Variants in TTC1 observed in about 807,000 individuals in gnomAD.
The protein encoded by TTC1 is tetratricopeptide repeat domain 1.
TTC1 carries 31 observed loss-of-function variants against 37.6 expected under a neutral mutation model. The observed-to-expected ratio is 0.82, with a 90% CI of 0.62 to 1.11. The LOEUF is 1.11. Ranked by LOEUF, TTC1 falls within the 50% of genes most tolerant of loss-of-function variation. The pLI, the probability that TTC1 is intolerant of heterozygous loss-of-function variation, is 0.00. For synonymous variants in TTC1, 127 were observed against 122.4 expected (o/e 1.04, Z -0.25); for missense variants, 351 against 339.0 (o/e 1.04, Z -0.28).
At position 160,023,814 on chromosome 5, in the gene TTC1, T is replaced by C. The variant is rs897068938; in HGVS notation, c.331-11326T>C. ...TGCCTTGCCCTCTTGCCTGTATCAT[T>C]CTCAGAGTCTGAGCTGTCAGAGTCA... On this transcript the variant is annotated intron_variant, in intron 2 of 7. Transcript: ENST00000231238. 5 of 1,613,584 alleles carry C rather than the reference T, an allele frequency of 3.1e-6. No individual in the cohort carries two copies. In the African/African-American group the frequency reaches 6.7e-5, roughly 22 times the overall value.
chr5:160,022,249 C>T (rs907447568), intron 2 of TTC1, among the ~76,000 whole-genome samples: 5 of 151,972 alleles, frequency 3.3e-5, no homozygotes, highest in African/African-American at 1.2e-4. Context: ...TATTCACTGA[C>T]CTAAAGTAAA....
intron 4 of TTC1, among the ~76,000 whole-genome samples, chr5:160,040,622 A>C (rs1757071423): frequency 6.6e-6 from 1 of 152,120 alleles, no homozygotes. Context: ...TCTGTTGCCC[A>C]GGCTGGAGTG....
At chr5:160,020,422 A>G (rs369755200) in intron 2 of TTC1, among the ~76,000 whole-genome samples, 4 of 152,166 alleles carry the variant, frequency 2.6e-5, no homozygotes, top group South Asian at 2.1e-4. Context: ...GCCTGATGCT[A>G]AGTTTAAACC....
chr5:160,042,832 G>A (rs1222092474), intron 4 of TTC1, among the ~76,000 whole-genome samples: 1 of 152,142 alleles, frequency 6.6e-6, no homozygotes, highest in African/African-American at 2.4e-5. Flanking sequence ...AAGTTTCTCA[G>A]TGTCAGCATT....
chr5:160,048,525 A>G (rs1223294384), intron 5 of TTC1, among the ~76,000 whole-genome samples: 1 of 152,182 alleles, frequency 6.6e-6, no homozygotes, highest in Admixed American at 6.5e-5. Context: ...TTGAACCAAA[A>G]CATAGCAAAG....
chr5:160,042,727 T>G (rs1260018410), intron 4 of TTC1, among the ~76,000 whole-genome samples: 2 of 152,236 alleles, frequency 1.3e-5, no homozygotes, highest in Admixed American at 1.3e-4. Context: ...CTTTCTGAAA[T>G]ATACCACTTT....
intron 7 of TTC1, among the ~76,000 whole-genome samples, chr5:160,056,684 C>T (rs1215448334): frequency 6.6e-6 from 1 of 152,174 alleles, no homozygotes; most frequent in Admixed American, 6.5e-5. Flanking sequence ...GATGGCACCA[C>T]TTCATGCCAG....
intron 2 of TTC1, among the ~76,000 whole-genome samples, chr5:160,017,465 A>G (rs1415105844): frequency 6.6e-6 from 1 of 152,166 alleles, no homozygotes; most frequent in Admixed American, 6.5e-5. Flanking sequence ...TGGAACCCTT[A>G]TGACTTAATC....
intron 7 of TTC1, among the ~76,000 whole-genome samples, chr5:160,059,776 A>G (rs754369550): frequency 3.9e-5 from 6 of 152,212 alleles, no homozygotes; most frequent in Non-Finnish European, 7.3e-5. Flanking sequence ...AACCTCACAG[A>G]TCATTGATTA....
rs748728919 is a variant in TTC1, at chr5:160,049,670, C to G, written c.690+8C>G. 1.3e-6 allele frequency: 2 copies of G among 1,555,426 alleles called. No homozygotes were observed. Among genetic ancestry groups the G allele is most frequent in the Admixed American group, 4.3e-5 (2 of 47,036 alleles). ...GCAAGAGAAGCTTGTATGGTAAAAC[C>G]TAAAATTTTAAAAATATTTTTCCTT... is the stretch of plus-strand genomic sequence containing the variant. On this transcript the variant is annotated splice_region_variant and intron_variant, in intron 6 of 7. Coordinates refer to ENST00000231238, the MANE Select transcript of TTC1 (RefSeq NM_003314.3).
Position 160,023,353 on chromosome 5 carries a change from G to A in TTC1, c.331-11787G>A, listed in dbSNP as rs961174603. ...GTTGCCCAGGCTGGAGTGCAGTGAC[G>A]CAATCATGGCTCATTGTAACCTCTA... is the stretch of plus-strand genomic sequence containing the variant. On this transcript the variant is annotated intron_variant, in intron 2 of 7. Coordinates refer to ENST00000231238, the MANE Select transcript of TTC1 (RefSeq NM_003314.3). Among the ~76,000 whole-genome samples the A allele has an allele frequency of 8.0e-5, 12 of 149,386 alleles. No homozygotes were observed. The East Asian group carries it at 2.2e-3, about 27-fold the overall frequency.
intron 4 of TTC1, among the ~76,000 whole-genome samples, chr5:160,039,484 C>A (rs1757051550): frequency 6.6e-6 from 1 of 150,694 alleles, no homozygotes; most frequent in African/African-American, 2.4e-5. Flanking sequence ...TTTTCCCACA[C>A]ACTCCACTTT....
At position 160,049,511 on chromosome 5, in the gene TTC1, C is replaced by A; in HGVS notation, c.542-3C>A. 1.3e-6 allele frequency: 2 copies of A among 1,560,476 alleles called. No homozygotes were observed. Among genetic ancestry groups the A allele is most frequent in the East Asian group, 2.3e-5 (1 of 43,606 alleles). ...ATAAAAATTATTTCTTCTCTTTTTA[C>A]AGCAATTCAATTAAACCCCAGCTAT... On this transcript the variant is annotated splice_region_variant and splice_polypyrimidine_tract_variant and intron_variant, in intron 5 of 7. Coordinates refer to ENST00000231238, the MANE Select transcript of TTC1 (RefSeq NM_003314.3).
At chr5:160,026,819 A>G (rs866573999) in intron 2 of TTC1, among the ~76,000 whole-genome samples, 57 of 152,142 alleles carry the variant, frequency 3.7e-4, no homozygotes, top group African/African-American at 1.2e-3. Context: ...GATTTACATT[A>G]GTCATTTGTC....
At chr5:160,028,021 C>T (rs949921059) in intron 2 of TTC1, among the ~76,000 whole-genome samples, 9 of 152,174 alleles carry the variant, frequency 5.9e-5, no homozygotes, top group Non-Finnish European at 8.8e-5. Flanking sequence ...CAGCCTTGGC[C>T]GGGCGCGGTG....
intron 2 of TTC1, among the ~76,000 whole-genome samples, chr5:160,029,595 C>T (rs965138328): frequency 2.0e-5 from 3 of 151,890 alleles, no homozygotes; most frequent in Admixed American, 6.6e-5. Context: ...CTGCAGTGAG[C>T]CATGATCTCT....
chr5:160,016,775 G>T (rs1050770989), intron 2 of TTC1, among the ~76,000 whole-genome samples: 1 of 152,156 alleles, frequency 6.6e-6, no homozygotes, highest in Non-Finnish European at 1.5e-5. Context: ...GGAAAGAAGT[G>T]CTATTCCGTA....
At chr5:160,032,358 A>C (rs1319793588) in intron 2 of TTC1, among the ~76,000 whole-genome samples, 1 of 152,202 alleles carries the variant, frequency 6.6e-6, no homozygotes, top group African/African-American at 2.4e-5. Context: ...ACCCCTCTCT[A>C]AAGAATTTGT....
intron 7 of TTC1, among the ~76,000 whole-genome samples, 199 bp from the exon 8 acceptor site, chr5:160,064,733 T>C (rs1239153444): frequency 2.6e-5 from 4 of 152,188 alleles, no homozygotes; most frequent in African/African-American, 9.7e-5. Flanking sequence ...GTGGATGGCA[T>C]TAAAGTGACT....
Sources: allele counts gnomAD v4.1 joint callset (sites outside exome capture counted in the v4.1 genomes callset), GRCh38; gene constraint gnomAD v4.1.1; transcripts MANE v1.5; gene names NCBI Gene and HGNC (gene_info 2026-07-23, HGNC 2026-07-21).